RGS5: variants seen among roughly 807,000 people sequenced by gnomAD.
RGS5 encodes regulator of G protein signaling 5, also known as regulator of G-protein signalling 5.
In RGS5, 20 loss-of-function variants were observed where a neutral mutation model predicts 18.9. The ratio of observed to expected loss-of-function variants is 1.06; its 90% CI spans 0.74 to 1.54. The LOEUF is 1.54. RGS5 is among the 40% of genes most tolerant of loss of function. The probability of loss-of-function intolerance (pLI) is 0.00; values close to 1 mark genes in which losing one functional copy is unlikely to be tolerated. For missense variants in RGS5, 201 were observed against 211.8 expected (o/e 0.95, Z 0.32); for synonymous variants, 57 against 76.2 (o/e 0.75, Z 1.31).
intron 2 of RGS5, among the ~76,000 whole-genome samples, chr1:163,250,913 A>T (rs979604457): frequency 1.3e-5 from 2 of 152,196 alleles, no homozygotes; most frequent in Non-Finnish European, 2.9e-5. Context: ...TTATTGGAAA[A>T]ATAGTTTTTC....
intron 2 of RGS5, among the ~76,000 whole-genome samples, chr1:163,279,465 T>C (rs919410825): frequency 3.3e-5 from 5 of 151,768 alleles, no homozygotes; most frequent in Non-Finnish European, 7.4e-5. Context: ...TAAAAATGTA[T>C]TGAAACAAAT....
chr1:163,193,241 C>T (rs1659428923), intron 1 of RGS5, among the ~76,000 whole-genome samples: 1 of 152,144 alleles, frequency 6.6e-6, no homozygotes, highest in Non-Finnish European at 1.5e-5. Flanking sequence ...CCTGGGGAAA[C>T]AGTTAGGAAG....
intron 3 of RGS5, 193 bp downstream of exon 3, chr1:163,161,722 T>C (rs112924108): frequency 1.5e-5 from 8 of 516,792 alleles, no homozygotes; most frequent in South Asian, 6.3e-5. Context: ...CATTCCCTCA[T>C]AGTGCCACAG....
chr1:163,280,177 A>T (rs1056494558), intron 2 of RGS5, among the ~76,000 whole-genome samples: 4 of 143,816 alleles, frequency 2.8e-5, no homozygotes, highest in African/African-American at 1.0e-4. Context: ...GCATTATCCT[A>T]ATACCAAAAC....
At position 163,181,836 on chromosome 1, in the gene RGS5, G is replaced by T. The variant is rs569763772; in HGVS notation, c.45-13468C>A. On this transcript the variant is annotated intron_variant, in intron 1 of 4. Transcript: ENST00000313961. ...ACATAGATGATAAGACCACAGCTCC[G>T]CACTGCTTGGGTTTATATTCCAACT... 1.2e-3 allele frequency among the ~76,000 whole-genome samples: 190 copies of T among 152,150 alleles called. 1 individual carries two copies. Among genetic ancestry groups the T allele is most frequent in the Non-Finnish European group, 2.3e-3 (159 of 68,012 alleles).
intron 2 of RGS5, among the ~76,000 whole-genome samples, chr1:163,230,692 T>G (rs1647457163): frequency 6.6e-6 from 1 of 152,186 alleles, no homozygotes; most frequent in South Asian, 2.1e-4. Context: ...ACTAATTAAC[T>G]CTGTAAAGGA....
intron 2 of RGS5, among the ~76,000 whole-genome samples, chr1:163,229,863 T>C (rs890813288): frequency 2.6e-5 from 4 of 152,224 alleles, no homozygotes; most frequent in Non-Finnish European, 5.9e-5. Context: ...GGGCAGAGAT[T>C]TCCATTCCTT....
intron 2 of RGS5, among the ~76,000 whole-genome samples, chr1:163,296,807 G>A (rs1487994690): frequency 6.6e-6 from 1 of 152,118 alleles, no homozygotes; most frequent in African/African-American, 2.4e-5. Flanking sequence ...TATGACTGTA[G>A]AAGAACAGAA....
At chr1:163,156,621 C>A (rs550159016) in intron 3 of RGS5, among the ~76,000 whole-genome samples, 1 of 152,254 alleles carries the variant, frequency 6.6e-6, no homozygotes, top group African/African-American at 2.4e-5. Flanking sequence ...CAGTCTAAAT[C>A]TGTGCACCTA....
At chr1:163,285,066 C>G (rs1393146964) in intron 2 of RGS5, among the ~76,000 whole-genome samples, 8 of 152,156 alleles carry the variant, frequency 5.3e-5, no homozygotes, top group Non-Finnish European at 2.9e-5. Context: ...GACTTACTCA[C>G]TACCATGAGA....
intron 3 of RGS5, among the ~76,000 whole-genome samples, chr1:163,158,630 T>G (rs1199445154): frequency 2.0e-5 from 3 of 151,996 alleles, no homozygotes; most frequent in South Asian, 2.1e-4. Flanking sequence ...AGTGTATGAA[T>G]AGGGTGTGGG....
intron 2 of RGS5, among the ~76,000 whole-genome samples, chr1:163,265,788 T>C (rs1176377665): frequency 1.3e-5 from 2 of 152,136 alleles, no homozygotes; most frequent in African/African-American, 4.8e-5. Context: ...CATCTTTTTG[T>C]TCCTGTTATG....
intron 1 of RGS5, among the ~76,000 whole-genome samples, chr1:163,314,497 GA>G (rs1460171781): frequency 6.6e-6 from 1 of 152,004 alleles, no homozygotes; most frequent in Non-Finnish European, 1.5e-5. Flanking sequence ...AAGAATTCAT[GA>G]GAATGATAAC....
intron 2 of RGS5, among the ~76,000 whole-genome samples, chr1:163,284,533 T>C (rs569833832): frequency 5.3e-5 from 8 of 152,290 alleles, no homozygotes; most frequent in African/African-American, 1.9e-4. Flanking sequence ...GCATATAAAA[T>C]TCTTAAGTCT....
At chr1:163,269,501 T>C (rs1648659879) in intron 2 of RGS5, among the ~76,000 whole-genome samples, 1 of 152,182 alleles carries the variant, frequency 6.6e-6, no homozygotes, top group African/African-American at 2.4e-5. Context: ...GAAAGTTCTA[T>C]GTTCATTTTT....
At chr1:163,311,391 C>G (rs956540621) in intron 1 of RGS5, among the ~76,000 whole-genome samples, 5 of 152,200 alleles carry the variant, frequency 3.3e-5, no homozygotes, top group African/African-American at 1.2e-4. Context: ...CCTCCAAGAA[C>G]TTTTCCTTTG....
chr1:163,290,190 G>A (rs186933574), intron 2 of RGS5, among the ~76,000 whole-genome samples: 3 of 152,188 alleles, frequency 2.0e-5, no homozygotes, highest in East Asian at 1.9e-4. Context: ...AAAACCCCAC[G>A]CATTTCACCA....
intron 1 of RGS5, among the ~76,000 whole-genome samples, chr1:163,177,353 A>G (rs79891327): frequency 0.12 from 18,175 of 152,246 alleles, 1,092 homozygotes; most frequent in South Asian, 0.22. Flanking sequence ...AACCCTTCAT[A>G]CAAGGTGTAG....
chr1:163,186,562 G>A (rs1659089166), intron 1 of RGS5, among the ~76,000 whole-genome samples: 1 of 116,830 alleles, frequency 8.6e-6, no homozygotes, highest in Non-Finnish European at 1.6e-5. Flanking sequence ...CTGGGCGACA[G>A]AGCGAGACTC....
Sources: gnomAD v4.1 joint callset for allele counts (sites outside exome capture counted in the v4.1 genomes callset) on GRCh38, gnomAD v4.1.1 for gene constraint, MANE v1.5 for transcripts, NCBI Gene and HGNC (gene_info 2026-07-23, HGNC 2026-07-21) for gene names.